The following DTNA variants were observed in gnomAD, a reference collection of about 807,000 sequenced individuals.
DTNA encodes the protein dystrobrevin alpha.
Under a neutral mutation model 100.7 loss-of-function variants are expected in DTNA, and 43 were observed. The observed-to-expected ratio is 0.43, with a 90% CI of 0.33 to 0.55. The LOEUF (loss-of-function observed/expected upper bound fraction) is 0.55, where lower values mean the gene tolerates loss of function less well. Ranked by LOEUF, DTNA falls within the 20% of genes least tolerant of loss-of-function variation. DTNA has a pLI of 0.04. For synonymous variants in DTNA, 349 were observed against 347.9 expected (o/e 1.00, Z -0.04); for missense variants, 798 against 953.9 (o/e 0.84, Z 2.15).
At chr18:34,520,599 A>G (rs557544899) in intron 1 of DTNA, among the ~76,000 whole-genome samples, 7 of 152,296 alleles carry the variant, frequency 4.6e-5, no homozygotes, top group East Asian at 1.9e-4. Flanking sequence ...GGTTGCAGTG[A>G]GCCGAGATCT....
chr18:34,591,269 T>C (rs1041046575), intron 1 of DTNA, among the ~76,000 whole-genome samples: 1 of 152,224 alleles, frequency 6.6e-6, no homozygotes, highest in Non-Finnish European at 1.5e-5. Context: ...TGGTACATAA[T>C]ATACATTCTA....
At chr18:34,819,969 AATTGCGGTT>A (rs1467572712) in intron 8 of DTNA, among the ~76,000 whole-genome samples, 3 of 147,200 alleles carry the variant, frequency 2.0e-5, no homozygotes, top group Admixed American at 6.7e-5. Flanking sequence ...GTGCAAAAGC[AATTGCGGTT>A]TTTGCCATTA....
intron 1 of DTNA, among the ~76,000 whole-genome samples, chr18:34,659,275 C>T (rs7243954): frequency 0.015 from 2,242 of 152,176 alleles, 44 homozygotes; most frequent in African/African-American, 0.048. Context: ...TTTACTTAGT[C>T]CAATATATCA....
intron 1 of DTNA, among the ~76,000 whole-genome samples, chr18:34,559,494 T>A (rs1317010345): frequency 1.3e-5 from 2 of 152,230 alleles, no homozygotes; most frequent in African/African-American, 4.8e-5. Flanking sequence ...AGATGTGGGA[T>A]AAGGATTAAA....
At chr18:34,767,222 G>A (rs1357611813) in intron 3 of DTNA, among the ~76,000 whole-genome samples, 1 of 19,050 alleles carries the variant, frequency 5.2e-5, no homozygotes, top group Non-Finnish European at 7.7e-3. Context: ...CATGGTAAGG[G>A]TAGAAACCGG....
rs114091465 is a variant in DTNA at position 34,770,577 on chromosome 18, G to A, written c.148+4536G>A. Among the ~76,000 whole-genome samples, 906 of 152,250 alleles carry A rather than the reference G, an allele frequency of 6.0e-3. 9 individuals are homozygous for A. The highest frequency in any genetic ancestry group is 0.021 in the African/African-American group (868 of 41,530). The stretch of plus-strand genomic sequence containing the variant: ...TTCTGTTCAATTCCTAATGTATGCT[G>A]AGAATAGTCAGTTCCCGGGATTCTA... On this transcript the variant is annotated intron_variant, in intron 3 of 22. Transcript: ENST00000444659.
chr18:34,860,041 TTTTG>T (rs368883033), intron 16 of DTNA, among the ~76,000 whole-genome samples: 20 of 151,744 alleles, frequency 1.3e-4, no homozygotes, highest in East Asian at 1.9e-4. Flanking sequence ...TTCTTTTTGT[TTTTG>T]TTTGTTTGTT....
rs140973827 is a variant in DTNA, at chr18:34,642,864, G to A, written c.-1-113112G>A. Among the ~76,000 whole-genome samples, 220 of 152,132 alleles carry A rather than the reference G, an allele frequency of 1.4e-3. 2 individuals carry two copies. Among genetic ancestry groups the A allele is most frequent in the African/African-American group, 4.9e-3 (204 of 41,528 alleles). On this transcript the variant is annotated intron_variant, in intron 1 of 19. Transcript: ENST00000283365. ...GAGCCACCGCACCTGGCCCAGACTG[G>A]CTTTCTCAGGGAATCATGCTGCCTT...
chr18:34,692,975 T>G (rs1035693248), intron 1 of DTNA, among the ~76,000 whole-genome samples: 1 of 152,188 alleles, frequency 6.6e-6, no homozygotes, highest in African/African-American at 2.4e-5. Flanking sequence ...TATTAGCACT[T>G]CTTAAAGAAG....
intron 20 of DTNA, among the ~76,000 whole-genome samples, chr18:34,881,327 A>G (rs1484179535): frequency 6.6e-6 from 1 of 152,002 alleles, no homozygotes; most frequent in Non-Finnish European, 1.5e-5. Context: ...GTCCAGCCCC[A>G]TGAAAAGCTT....
chr18:34,519,721 A>G (rs1193041286), intron 1 of DTNA, among the ~76,000 whole-genome samples: 1 of 152,218 alleles, frequency 6.6e-6, no homozygotes, highest in African/African-American at 2.4e-5. Flanking sequence ...GAAAACAGTT[A>G]AAAGCAAAGC....
chr18:34,736,692 T>C (rs375494598), intron 1 of DTNA, among the ~76,000 whole-genome samples: 2 of 152,184 alleles, frequency 1.3e-5, no homozygotes, highest in South Asian at 4.1e-4. Context: ...TTCAAAATTG[T>C]GCATTAAAAT....
At chr18:34,746,168 A>G (rs2091539523) in intron 1 of DTNA, among the ~76,000 whole-genome samples, 2 of 151,618 alleles carry the variant, frequency 1.3e-5, no homozygotes, top group Admixed American at 6.6e-5. Flanking sequence ...TTAATTAAAA[A>G]AACAGTCTTC....
chr18:34,790,491 C>T (rs1322818737), intron 3 of DTNA, among the ~76,000 whole-genome samples: 1 of 142,488 alleles, frequency 7.0e-6, no homozygotes, highest in African/African-American at 2.7e-5. Context: ...AAAAAAACTT[C>T]AATCCTTGTT....
chr18:34,641,560 C>A (rs1013469861), intron 1 of DTNA, among the ~76,000 whole-genome samples: 14 of 152,164 alleles, frequency 9.2e-5, no homozygotes, highest in African/African-American at 3.4e-4. Context: ...CCAGGTGGAA[C>A]AATATCAATA....
In DTNA at chr18:34,754,038, A is replaced by C. The variant is rs570528677; in HGVS notation, c.-1-1938A>C. ...TTAGTAACTCTACTCCTTTCCAATAATTATTTAGGATAGTCCCTGGTATAT... is the reference window on the plus strand; with the variant it reads ...TTAGTAACTCTACTCCTTTCCAATACTTATTTAGGATAGTCCCTGGTATAT... On this transcript the variant is annotated intron_variant, in intron 1 of 22. Coordinates refer to ENST00000444659, the MANE Select transcript of DTNA (RefSeq NM_001386795.1). 4.6e-5 allele frequency among the ~76,000 whole-genome samples: 7 copies of C among 152,288 alleles called. No homozygotes were observed. In the South Asian group the frequency reaches 1.5e-3, roughly 32 times the overall value.
At chr18:34,886,072 T>C (rs1021360462) in intron 22 of DTNA, among the ~76,000 whole-genome samples, 13 of 152,216 alleles carry the variant, frequency 8.5e-5, no homozygotes, top group African/African-American at 3.1e-4. Context: ...TGGAATCCCA[T>C]AAGTCTGTAC....
intron 1 of DTNA, among the ~76,000 whole-genome samples, chr18:34,614,775 C>A (rs956970958): frequency 2.6e-5 from 4 of 152,124 alleles, no homozygotes; most frequent in Non-Finnish European, 5.9e-5. Context: ...TGAGATAGAA[C>A]CTATTCCTGG....
chr18:34,820,700 A>C lies in DTNA; in HGVS notation c.877-91A>C. The C allele has an allele frequency of 3.1e-6, 5 of 1,587,994 alleles. No individual in the cohort carries two copies. In the South Asian group the frequency reaches 5.6e-5, roughly 18 times the overall value. On this transcript the variant is annotated intron_variant, in intron 8 of 22. Transcript: ENST00000444659. ...AGCACTGAAAAAGGATTTCTTCCGT[A>C]AATGAATATCTATTATGAAAAGCAA... is the stretch of plus-strand genomic sequence containing the variant.
Sources: allele counts gnomAD v4.1 joint callset (sites outside exome capture counted in the v4.1 genomes callset), GRCh38; gene constraint gnomAD v4.1.1; transcripts MANE v1.5; gene names NCBI Gene and HGNC (gene_info 2026-07-23, HGNC 2026-07-21).